The following HSD17B2 variants were observed in gnomAD, a reference collection of about 807,000 sequenced individuals.
HSD17B2 encodes the protein 17-beta-hydroxysteroid dehydrogenase type 2.
A neutral mutation model predicts 26.9 loss-of-function variants in HSD17B2; 32 were observed. The ratio of observed to expected loss-of-function variants is 1.19; its 90% CI spans 0.90 to 1.60. HSD17B2 has a LOEUF of 1.60. Ranked by LOEUF, HSD17B2 falls within the 40% of genes most tolerant of loss-of-function variation. The pLI, the probability that HSD17B2 is intolerant of heterozygous loss-of-function variation, is 0.00. For missense variants in HSD17B2, 613 were observed against 468.6 expected, an observed-to-expected ratio of 1.31 and a Z score of -2.85; for synonymous variants, 246 against 186.7, an observed-to-expected ratio of 1.32 and a Z score of -2.59.
At chr16:82,066,584 C>G (rs1393909813) in intron 1 of HSD17B2, among the ~76,000 whole-genome samples, 2 of 152,096 alleles carry the variant, frequency 1.3e-5, no homozygotes, top group Non-Finnish European at 2.9e-5. Context: ...AGATAAGGTC[C>G]ACCCTCCATT....
intron 1 of HSD17B2, among the ~76,000 whole-genome samples, chr16:82,051,270 T>C (rs1914097975): frequency 6.6e-6 from 1 of 152,326 alleles, no homozygotes; most frequent in African/African-American, 2.4e-5. Flanking sequence ...TAAACTTCTG[T>C]TGAAGAAATG....
chr16:82,072,988 G>C (rs1490329866), intron 3 of HSD17B2, among the ~76,000 whole-genome samples: 1 of 152,144 alleles, frequency 6.6e-6, no homozygotes, highest in East Asian at 1.9e-4. Context: ...TTGAGCCTGG[G>C]AGGTTAAGAC....
chr16:82,045,628 GCCTCATACAATAGTGC>G (rs1567577916), intron 1 of HSD17B2, among the ~76,000 whole-genome samples: 1 of 152,222 alleles, frequency 6.6e-6, no homozygotes, highest in African/African-American at 2.4e-5. Context: ...TGCCTCATCA[GCCTCATACAATAGTGC>G]CCTGCTCCTT....
intron 1 of HSD17B2, among the ~76,000 whole-genome samples, chr16:82,038,830 C>T (rs1336093137): frequency 2.0e-5 from 3 of 152,268 alleles, no homozygotes; most frequent in African/African-American, 7.2e-5. Context: ...ATCACTTGGG[C>T]TTGATCACCC....
chr16:82,050,528 T>C (rs1410685732), intron 1 of HSD17B2, among the ~76,000 whole-genome samples: 1 of 152,140 alleles, frequency 6.6e-6, no homozygotes, highest in South Asian at 2.1e-4. Context: ...GTAGGTTGAG[T>C]GTCTTTTTCT....
chr16:82,061,316 C>A (rs1273866699), intron 1 of HSD17B2, among the ~76,000 whole-genome samples: 1 of 152,054 alleles, frequency 6.6e-6, no homozygotes, highest in African/African-American at 2.4e-5. Flanking sequence ...GGCTTTGTGC[C>A]AGACCTTGTT....
intron 1 of HSD17B2, among the ~76,000 whole-genome samples, chr16:82,053,358 G>A (rs915489441): frequency 6.6e-5 from 10 of 152,132 alleles, no homozygotes; most frequent in African/African-American, 2.4e-4. Context: ...ATGCACCCCT[G>A]CAGAGTCTAC....
chr16:82,065,998 A>G (rs752597622), intron 1 of HSD17B2, among the ~76,000 whole-genome samples: 7 of 152,230 alleles, frequency 4.6e-5, no homozygotes, highest in Non-Finnish European at 1.0e-4. Context: ...TGAACTTGCC[A>G]GTGTCCAGCA....
chr16:82,060,162 G>A (rs755658905), intron 1 of HSD17B2, among the ~76,000 whole-genome samples: 18 of 152,194 alleles, frequency 1.2e-4, no homozygotes, highest in Non-Finnish European at 1.5e-4. Flanking sequence ...GTCAACATGA[G>A]GGTGGCAATC....
At chr16:82,093,660 G>C (rs1455407871) in intron 4 of HSD17B2, 1 of 152,222 alleles carries the variant, frequency 6.6e-6, no homozygotes, top group African/African-American at 2.4e-5. Context: ...TTCCAAGAGA[G>C]GGTTTTTGGA....
chr16:82,065,524 C>T (rs1168260226), intron 1 of HSD17B2, among the ~76,000 whole-genome samples: 2 of 152,170 alleles, frequency 1.3e-5, no homozygotes, highest in Non-Finnish European at 2.9e-5. Context: ...AAGGCAGAAG[C>T]ATAAGGTATG....
At chr16:82,037,059 A>G (rs1244760466) in intron 1 of HSD17B2, among the ~76,000 whole-genome samples, 2 of 152,208 alleles carry the variant, frequency 1.3e-5, no homozygotes, top group Non-Finnish European at 2.9e-5. Flanking sequence ...TGCTCACAAA[A>G]TATGCACCCA....
At chr16:82,055,841 G>C (rs937662848) in intron 1 of HSD17B2, among the ~76,000 whole-genome samples, 3 of 152,174 alleles carry the variant, frequency 2.0e-5, no homozygotes, top group Non-Finnish European at 4.4e-5. Flanking sequence ...GTGAGTGAGG[G>C]TGGCGAATTG....
At chr16:82,086,992 T>C (rs191766423) in intron 3 of HSD17B2, among the ~76,000 whole-genome samples, 16 of 152,308 alleles carry the variant, frequency 1.1e-4, no homozygotes, top group Admixed American at 3.3e-4. Flanking sequence ...ACTAATTCTG[T>C]TGGATCAAGG....
intron 3 of HSD17B2, among the ~76,000 whole-genome samples, chr16:82,076,815 T>G (rs1327004416): frequency 6.6e-6 from 1 of 152,154 alleles, no homozygotes; most frequent in Admixed American, 6.5e-5. Flanking sequence ...CTTGACTTTG[T>G]GATTTGCCTG....
chr16:82,067,558 G>A (rs1045074124), intron 1 of HSD17B2, among the ~76,000 whole-genome samples: 1 of 152,112 alleles, frequency 6.6e-6, no homozygotes, highest in Admixed American at 6.5e-5. Context: ...CTTTCTATCT[G>A]GTTTCTGTTG....
chr16:82,091,452 G>C (rs992596346), intron 4 of HSD17B2: 1 of 222,324 alleles, frequency 4.5e-6, no homozygotes, highest in African/African-American at 2.3e-5. Flanking sequence ...AGTTCCAAAG[G>C]AATGGCTCTC....
At chr16:82,050,989 A>C (rs1914090033) in intron 1 of HSD17B2, among the ~76,000 whole-genome samples, 1 of 152,210 alleles carries the variant, frequency 6.6e-6, no homozygotes, top group East Asian at 1.9e-4. Context: ...CAAATGCCTC[A>C]TGAGGACAAA....
At chr16:82,055,156 T>A (rs1567581824) in intron 1 of HSD17B2, among the ~76,000 whole-genome samples, 1 of 152,252 alleles carries the variant, frequency 6.6e-6, no homozygotes, top group Non-Finnish European at 1.5e-5. Context: ...GGCCTTGAAC[T>A]ACTGCTGTAA....
Sources: allele counts gnomAD v4.1 joint callset (sites outside exome capture counted in the v4.1 genomes callset), GRCh38; gene constraint gnomAD v4.1.1; transcripts MANE v1.5; gene names NCBI Gene and HGNC (gene_info 2026-07-23, HGNC 2026-07-21).